RDH12: variants seen among roughly 807,000 people sequenced by gnomAD.
The protein encoded by RDH12 is all-trans and 9-cis retinol dehydrogenase.
In RDH12, 21 loss-of-function variants were observed where a neutral mutation model predicts 34.0. The observed-to-expected ratio is 0.62, with a 90% CI of 0.44 to 0.89. The LOEUF (loss-of-function observed/expected upper bound fraction) is 0.89, where lower values mean the gene tolerates loss of function less well. RDH12 is among the 40% of genes least tolerant of loss of function. RDH12 has a pLI of 0.00. For missense variants in RDH12, 394 were observed against 398.6 expected, an observed-to-expected ratio of 0.99 and a Z score of 0.10; for synonymous variants, 198 against 169.9, an observed-to-expected ratio of 1.17 and a Z score of -1.29.
Position 67,722,697 on chromosome 14 carries a change from G to A in RDH12, c.55G>A (p.Ala19Thr). The A allele has an allele frequency of 6.2e-7, 1 of 1,613,758 alleles. No homozygotes were observed. The highest frequency in any genetic ancestry group is 2.2e-5 in the East Asian group (1 of 44,888). The part of the protein sequence containing the change: ...TSFFSFLYMV[A>T]PSIRKFFAGG... ...CTTCTTCTCGTTCCTGTATATGGTA[G>A]CTCCATCCATCAGGTTTGTCTTAAT... The change falls in exon 3 of 9, where the codon GCT (alanine) becomes ACT (threonine). Residue 19 changes from alanine to threonine, a missense_variant. Coordinates refer to ENST00000551171, the MANE Select transcript of RDH12 (RefSeq NM_152443.3).
intron 1 of RDH12, chr14:67,706,247 G>A (rs933836029): frequency 6.6e-6 from 1 of 152,248 alleles, no homozygotes; most frequent in East Asian, 1.9e-4. Context: ...AGCAATGCAC[G>A]TCTCTAATTT....
chr14:67,729,099 T>C, intron 7 of RDH12, 92 bp from the exon 8 acceptor site: 1 of 1,312,778 alleles, frequency 7.6e-7, no homozygotes, highest in Non-Finnish European at 1.1e-6. Flanking sequence ...CCTGAGTCCC[T>C]CCTTCTCACT....
In RDH12 at chr14:67,734,141, A is replaced by G. The variant is rs2140163459; in HGVS notation, c.*293A>G. 3.0e-6 allele frequency: 1 copy of G among 335,018 alleles called. No individual in the cohort carries two copies. Among genetic ancestry groups the G allele is most frequent in the African/African-American group, 2.1e-5 (1 of 47,096 alleles). The allele number at this position is 335,018 out of a possible 1,614,324, so 20.8% of individuals were successfully genotyped here. A position where few individuals can be genotyped will look rare whatever the true frequency, so the allele number is the denominator to read the frequency against. On this transcript the variant is annotated 3_prime_UTR_variant, in exon 9 of 9. Coordinates refer to ENST00000551171, the MANE Select transcript of RDH12 (RefSeq NM_152443.3). ...ATCCCAGGCTGGGCATGGGGGTGGC[A>G]GAAGAGCCCGAGAAATTGGGTCAGT...
chr14:67,724,627 C>A, intron 4 of RDH12, 36 bp downstream of exon 4: 3 of 1,441,748 alleles, frequency 2.1e-6, no homozygotes, highest in Non-Finnish European at 2.9e-6. Context: ...AAGGGCCATG[C>A]CTCCCACCCT....
chr14:67,726,879 A>T, intron 6 of RDH12, 102 bp from the exon 7 acceptor site: 5 of 1,042,888 alleles, frequency 4.8e-6, no homozygotes, highest in Non-Finnish European at 7.3e-6. Context: ...ATTGGTTCAC[A>T]CCCAGAAGAT....
intron 1 of RDH12, among the ~76,000 whole-genome samples, chr14:67,702,697 A>G (rs2037911759): frequency 6.6e-6 from 1 of 152,254 alleles, no homozygotes; most frequent in Non-Finnish European, 1.5e-5. Flanking sequence ...ATGAGTGCTC[A>G]TTTATCTATA....
In RDH12 at chr14:67,733,982, A is replaced by T; in HGVS notation, c.*134A>T. The T allele has an allele frequency of 1.5e-6, 1 of 667,136 alleles. No homozygotes were observed. Among genetic ancestry groups the T allele is most frequent in the South Asian group, 1.5e-5 (1 of 66,382 alleles). The allele number at this position is 667,136 out of a possible 1,614,324, so 41.3% of individuals were successfully genotyped here. On this transcript the variant is annotated 3_prime_UTR_variant, in exon 9 of 9. Transcript: ENST00000551171. ...AATCCTGCCTGCTCTGATCCTCTTGACCCTTCTGGGAATGTTTGCACACCT... is the reference window on the plus strand; with the variant it reads ...AATCCTGCCTGCTCTGATCCTCTTGTCCCTTCTGGGAATGTTTGCACACCT...
chr14:67,733,331 C>T (rs73276676), intron 8 of RDH12, among the ~76,000 whole-genome samples: 2,368 of 152,238 alleles, frequency 0.016, 73 homozygotes, highest in African/African-American at 0.054. Context: ...TTAATTTAAC[C>T]TCCAACTGAG....
chr14:67,713,397 CAAAAAAAAAAAAAAAA>C (rs71129850), intron 1 of RDH12, among the ~76,000 whole-genome samples: 1 of 47,630 alleles, frequency 2.1e-5, no homozygotes, highest in Non-Finnish European at 4.1e-5. Context: ...AGTAAAACTC[CAAAAAAAAAAAAAAAA>C]AAAAAAAAAA....
chr14:67,707,959 A>T (rs1310530315), intron 1 of RDH12, among the ~76,000 whole-genome samples: 1 of 152,222 alleles, frequency 6.6e-6, no homozygotes, highest in Non-Finnish European at 1.5e-5. Context: ...TTCCAAGGGA[A>T]AGCACACCAT....
chr14:67,709,582 G>A (rs962166499), intron 1 of RDH12, among the ~76,000 whole-genome samples: 2 of 152,104 alleles, frequency 1.3e-5, no homozygotes, highest in Middle Eastern at 3.2e-3. Flanking sequence ...CTTAAAATTG[G>A]CCCTCACAAT....
chr14:67,708,773 T>C (rs2037977814), intron 1 of RDH12, among the ~76,000 whole-genome samples: 1 of 151,402 alleles, frequency 6.6e-6, no homozygotes, highest in Admixed American at 6.6e-5. Flanking sequence ...TTTCGGACTC[T>C]AGGGAACCTA....
At position 67,727,080 on chromosome 14, in the gene RDH12, T is replaced by G; in HGVS notation, c.548T>G (p.Ile183Ser). Residue 183 changes from isoleucine to serine, a missense_variant, in exon 7 of 9, where the codon ATT becomes AGT. Transcript: ENST00000551171. ...TCGGTGGCTCACCACATTGGCAAGATTCCCTTCCACGACCTCCAGAGCGAG... is the reference window on the plus strand; with the variant it reads ...TCGGTGGCTCACCACATTGGCAAGAGTCCCTTCCACGACCTCCAGAGCGAG... ...VSSVAHHIGKIPFHDLQSEKR... is the reference protein window; with the variant it reads ...VSSVAHHIGKSPFHDLQSEKR... The G allele has an allele frequency of 6.2e-7, 1 of 1,614,130 alleles. No individual in the cohort carries two copies.
At chr14:67,713,699 C>T (rs12895014) in intron 1 of RDH12, among the ~76,000 whole-genome samples, 19,234 of 152,170 alleles carry the variant, frequency 0.13, 1,485 homozygotes, top group South Asian at 0.33. Flanking sequence ...GTTGAGGGCG[C>T]GTACCCAAGA....
intron 8 of RDH12, among the ~76,000 whole-genome samples, chr14:67,730,344 G>C (rs1035369125): frequency 6.6e-6 from 1 of 152,136 alleles, no homozygotes; most frequent in East Asian, 1.9e-4. Context: ...AATATGGCTA[G>C]TCCAGATTGA....
rs58392863 is a variant in RDH12 at position 67,727,373 on chromosome 14, AG to A, written c.658+187del. ...GCCCCCAGGGAGCTTAAAATCAAATAGGGGTTAAGAACCTCAAAAAGTTACC... is the reference window on the plus strand; with the variant it reads ...GCCCCCAGGGAGCTTAAAATCAAATAGGGTTAAGAACCTCAAAAAGTTACC... On this transcript the variant is annotated intron_variant, in intron 7 of 8. Transcript: ENST00000551171. The A allele has an allele frequency of 0.09, 55,890 of 623,976 alleles. 2,736 individuals carry two copies. The highest frequency in any genetic ancestry group is 0.18 in the Middle Eastern group (423 of 2,344). The allele number at this position is 623,976 out of a possible 1,614,324, so 38.7% of individuals were successfully genotyped here. A position where few individuals can be genotyped will look rare whatever the true frequency, so the allele number is the denominator to read the frequency against.
At chr14:67,717,078 C>T (rs956206482) in intron 1 of RDH12, among the ~76,000 whole-genome samples, 2 of 150,604 alleles carry the variant, frequency 1.3e-5, no homozygotes, top group Non-Finnish European at 2.9e-5. Context: ...TACCCTTCCC[C>T]TTTAAAAACT....
In RDH12 at chr14:67,729,394, A is replaced by C. The variant is rs535122314; in HGVS notation, c.848+14A>C. On this transcript the variant is annotated intron_variant, in intron 8 of 8. Transcript: ENST00000551171. ...CAAGTACTTCAGGTGTGTGAAGGCAATGCGGTTCTCTCCACCACCTGTGTG... is the reference window on the plus strand; with the variant it reads ...CAAGTACTTCAGGTGTGTGAAGGCACTGCGGTTCTCTCCACCACCTGTGTG... 2.5e-4 allele frequency: 394 copies of C among 1,596,558 alleles called. No individual in the cohort carries two copies. Among genetic ancestry groups the C allele is most frequent in the Non-Finnish European group, 3.0e-5 (35 of 1,179,168 alleles).
At chr14:67,725,494 G>A (rs1321012022) in intron 5 of RDH12, among the ~76,000 whole-genome samples, 6 of 152,172 alleles carry the variant, frequency 3.9e-5, no homozygotes, top group Non-Finnish European at 5.9e-5. Flanking sequence ...TCCCTGTCTG[G>A]GCTTGCACCT....
Sources: gnomAD v4.1 joint callset for allele counts (sites outside exome capture counted in the v4.1 genomes callset) on GRCh38, gnomAD v4.1.1 for gene constraint, MANE v1.5 for transcripts, NCBI Gene and HGNC (gene_info 2026-07-23, HGNC 2026-07-21) for gene names.